The following FBN1 variants were observed in gnomAD, a reference collection of about 807,000 sequenced individuals.
The protein encoded by FBN1 is fibrillin-1.
In FBN1, 29 loss-of-function variants were observed where a neutral mutation model predicts 365.1. The observed-to-expected ratio is 0.08, with a 90% CI of 0.06 to 0.11. The LOEUF (loss-of-function observed/expected upper bound fraction) is 0.11. Among genes scored for constraint, FBN1 ranks in the 10% least tolerant of loss-of-function variants. The pLI is 1.00. For missense variants in FBN1, 2,476 were observed against 3,703.2 expected (o/e 0.67, Z 8.60); for synonymous variants, 1,210 against 1,270.5 (o/e 0.95, Z 1.01).
chr15:48,427,819 G>C (rs752693242), intron 57 of FBN1, 46 bp from the exon 58 acceptor site: 13 of 1,567,716 alleles, frequency 8.3e-6, no homozygotes, highest in Non-Finnish European at 1.1e-5. Flanking sequence ...GAAATTTTAA[G>C]AGCAAACAAA....
chr15:48,423,329 A>G (rs2042957010), intron 60 of FBN1, among the ~76,000 whole-genome samples: 1 of 152,166 alleles, frequency 6.6e-6, no homozygotes. Context: ...TCCTGGCTAG[A>G]GTAACATCTG....
intron 54 of FBN1, among the ~76,000 whole-genome samples, chr15:48,434,040 C>T (rs377339048): frequency 2.0e-5 from 3 of 152,182 alleles, no homozygotes; most frequent in Non-Finnish European, 4.4e-5. Context: ...CTGGGAACCA[C>T]CCTTTGAGAG....
At chr15:48,483,729 T>C in intron 31 of FBN1, 89 bp downstream of exon 31, 2 of 1,482,494 alleles carry the variant, frequency 1.3e-6, no homozygotes, top group South Asian at 2.3e-5. Context: ...TATGGAATCT[T>C]TCTATCACTG....
intron 42 of FBN1, among the ~76,000 whole-genome samples, chr15:48,460,852 A>T (rs1178823690): frequency 1.3e-5 from 2 of 152,020 alleles, no homozygotes; most frequent in African/African-American, 4.8e-5. Flanking sequence ...GCTCTGTCAT[A>T]TTCTCTCCCT....
At chr15:48,549,551 T>TC (rs1302966577) in intron 6 of FBN1, among the ~76,000 whole-genome samples, 1 of 152,176 alleles carries the variant, frequency 6.6e-6, no homozygotes, top group African/African-American at 2.4e-5. Context: ...TTACAGTAAA[T>TC]CCCCTCTTCT....
chr15:48,466,657 T>C (rs1025207467), intron 38 of FBN1, among the ~76,000 whole-genome samples: 4 of 152,156 alleles, frequency 2.6e-5, no homozygotes, highest in Non-Finnish European at 4.4e-5. Context: ...CACATGCCTA[T>C]ATGTATATAT....
intron 6 of FBN1, among the ~76,000 whole-genome samples, chr15:48,581,680 C>T (rs1465648691): frequency 6.6e-6 from 1 of 151,974 alleles, no homozygotes; most frequent in Non-Finnish European, 1.5e-5. Context: ...ACAGAAATAG[C>T]AAAGTGTCAG....
intron 25 of FBN1, among the ~76,000 whole-genome samples, chr15:48,489,057 A>T (rs2043533368): frequency 6.6e-6 from 1 of 152,062 alleles, no homozygotes; most frequent in Non-Finnish European, 1.5e-5. Flanking sequence ...TCTTTTTTTG[A>T]GACAGGATCT....
intron 8 of FBN1, among the ~76,000 whole-genome samples, chr15:48,530,275 T>G (rs2043958868): frequency 1.4e-5 from 2 of 146,218 alleles, no homozygotes; most frequent in Non-Finnish European, 3.0e-5. Context: ...TTCTTATCCA[T>G]GCTGCATCCG....
intron 17 of FBN1, 65 bp from the exon 18 acceptor site, chr15:48,499,103 GT>G: frequency 6.7e-7 from 1 of 1,501,204 alleles, no homozygotes; most frequent in Non-Finnish European, 9.3e-7. Flanking sequence ...CCTGCCCTTG[GT>G]TTTGCACACA....
chr15:48,449,885 C>A (rs1468197415), intron 45 of FBN1, among the ~76,000 whole-genome samples: 1 of 152,106 alleles, frequency 6.6e-6, no homozygotes, highest in Non-Finnish European at 1.5e-5. Context: ...TTTTGCTGCA[C>A]ACAGCAACCC....
At chr15:48,446,031 T>C (rs1459414046) in intron 47 of FBN1, among the ~76,000 whole-genome samples, 1 of 152,162 alleles carries the variant, frequency 6.6e-6, no homozygotes, top group Non-Finnish European at 1.5e-5. Context: ...TCCTGAATCA[T>C]ATAATTTCTA....
At chr15:48,504,891 C>A (rs1008467520) in intron 16 of FBN1, 134 bp downstream of exon 16, 7 of 1,154,628 alleles carry the variant, frequency 6.1e-6, no homozygotes, top group Admixed American at 3.5e-5. Context: ...AGAGAACTGA[C>A]CCTGTTGGTT....
intron 2 of FBN1, among the ~76,000 whole-genome samples, chr15:48,619,963 G>A (rs1216471925): frequency 6.6e-6 from 1 of 152,010 alleles, no homozygotes; most frequent in Non-Finnish European, 1.5e-5. Context: ...AAATCAACAT[G>A]TTTTAAAAAT....
chr15:48,549,631 T>C (rs1300051583), intron 6 of FBN1, among the ~76,000 whole-genome samples: 1 of 152,208 alleles, frequency 6.6e-6, no homozygotes, highest in Non-Finnish European at 1.5e-5. Context: ...TTATTCCTTT[T>C]TGGAAGAAGA....
chr15:48,607,842 C>T (rs1203618747), intron 4 of FBN1, among the ~76,000 whole-genome samples: 1 of 152,166 alleles, frequency 6.6e-6, no homozygotes, highest in Non-Finnish European at 1.5e-5. Flanking sequence ...TAAATTCATA[C>T]ATCAGTAAAC....
chr15:48,506,919 G>GCT (rs150432019), intron 15 of FBN1, among the ~76,000 whole-genome samples: 2,890 of 149,564 alleles, frequency 0.019, 87 homozygotes, highest in African/African-American at 0.067. Context: ...GAGCTGTGGA[G>GCT]CTCTCTCTCT....
At chr15:48,442,551 T>C (rs1055980571) in intron 49 of FBN1, among the ~76,000 whole-genome samples, 1 of 152,196 alleles carries the variant, frequency 6.6e-6, no homozygotes, top group African/African-American at 2.4e-5. Flanking sequence ...TTCTTTAGTA[T>C]ATTATACATC....
chr15:48,560,377 A>C (rs2044214351), intron 6 of FBN1, among the ~76,000 whole-genome samples: 1 of 152,192 alleles, frequency 6.6e-6, no homozygotes, highest in Non-Finnish European at 1.5e-5. Flanking sequence ...TGGGATAATA[A>C]TACCTGCCTC....
Sources: allele counts gnomAD v4.1 joint callset (sites outside exome capture counted in the v4.1 genomes callset), GRCh38; gene constraint gnomAD v4.1.1; transcripts MANE v1.5; gene names NCBI Gene and HGNC (gene_info 2026-07-23, HGNC 2026-07-21).